Variants in FBXL13 observed in about 807,000 individuals in gnomAD.
FBXL13 encodes the protein F-box and leucine rich repeat protein 13.
FBXL13 carries 67 observed loss-of-function variants against 83.6 expected under a neutral mutation model. The observed-to-expected ratio is 0.80, with a 90% CI of 0.66 to 0.98. The LOEUF (loss-of-function observed/expected upper bound fraction) is 0.98. Among genes scored for constraint, FBXL13 ranks in the 50% least tolerant of loss-of-function variants. FBXL13 has a pLI of 0.00. For missense variants in FBXL13, 822 were observed against 866.5 expected (o/e 0.95, Z 0.64); for synonymous variants, 272 against 299.5 (o/e 0.91, Z 0.95).
intron 11 of FBXL13, among the ~76,000 whole-genome samples, chr7:102,900,180 C>T (rs1460828239): frequency 6.6e-6 from 1 of 152,168 alleles, no homozygotes; most frequent in Admixed American, 6.5e-5. Context: ...AGTTAAACTT[C>T]TTTCATAATA....
At chr7:102,834,080 GGAAAGAAA>G (rs1452645344) in intron 17 of FBXL13, among the ~76,000 whole-genome samples, 1 of 91,538 alleles carries the variant, frequency 1.1e-5, no homozygotes, top group African/African-American at 4.9e-5. Flanking sequence ...AAGGAAGGAA[GGAAAGAAA>G]AGAAAGAAAG....
intron 11 of FBXL13, among the ~76,000 whole-genome samples, chr7:102,893,999 G>A (rs558940095): frequency 1.3e-5 from 2 of 149,300 alleles, no homozygotes; most frequent in African/African-American, 2.4e-5. Flanking sequence ...GAAAGAAAGA[G>A]GAAAGAAAAG....
chr7:102,964,057 T>C (rs1585158218), intron 7 of FBXL13, among the ~76,000 whole-genome samples: 1 of 152,268 alleles, frequency 6.6e-6, no homozygotes, highest in East Asian at 1.9e-4. Flanking sequence ...ATGCCTGTAA[T>C]CCCAGCACCT....
At chr7:102,888,785 C>T (rs1336457895) in intron 11 of FBXL13, among the ~76,000 whole-genome samples, 2 of 151,920 alleles carry the variant, frequency 1.3e-5, no homozygotes, top group African/African-American at 2.4e-5. Flanking sequence ...TAGCCCAGAG[C>T]AAAGTCCAGG....
chr7:103,040,801 C>G (rs961436876), intron 2 of FBXL13, among the ~76,000 whole-genome samples: 1 of 152,112 alleles, frequency 6.6e-6, no homozygotes, highest in Non-Finnish European at 1.5e-5. Context: ...ACACAATGTA[C>G]CAGAATCTCT....
chr7:102,973,726 A>G, intron 6 of FBXL13: 1 of 766,340 alleles, frequency 1.3e-6, no homozygotes, highest in South Asian at 1.3e-5. Flanking sequence ...CTCAGCCTCC[A>G]GTTGCTTCTC....
chr7:102,943,144 C>G (rs1179549784), intron 8 of FBXL13, among the ~76,000 whole-genome samples: 1 of 152,096 alleles, frequency 6.6e-6, no homozygotes, highest in Admixed American at 6.6e-5. Flanking sequence ...TTGGACTCTA[C>G]AGGAATAGAA....
At chr7:102,883,252 G>A (rs1810354293) in intron 14 of FBXL13, 53 bp downstream of exon 15, 3 of 1,517,742 alleles carry the variant, frequency 2.0e-6, no homozygotes, top group Admixed American at 3.9e-5. Context: ...AGAGAACCTG[G>A]CACATACTAG....
intron 6 of FBXL13, among the ~76,000 whole-genome samples, chr7:102,995,337 T>C (rs1829989696): frequency 6.7e-6 from 1 of 150,264 alleles, no homozygotes; most frequent in Non-Finnish European, 1.5e-5. Flanking sequence ...AAAAATTAGC[T>C]GGGCGTGGTG....
intron 8 of FBXL13, 73 bp from the exon 10 acceptor site, chr7:102,932,006 T>C: frequency 7.4e-7 from 1 of 1,352,624 alleles, no homozygotes; most frequent in East Asian, 2.3e-5. Context: ...TATCTTACAT[T>C]GAATGCAATG....
chr7:102,931,693 C>T (rs1027043739), intron 9 of FBXL13, among the ~76,000 whole-genome samples, 188 bp downstream of exon 10: 3 of 152,192 alleles, frequency 2.0e-5, no homozygotes, highest in African/African-American at 7.2e-5. Flanking sequence ...CAACACTGAG[C>T]ATACATCTAC....
At chr7:102,948,721 C>CT (rs149969187) in intron 8 of FBXL13, among the ~76,000 whole-genome samples, 27 of 147,280 alleles carry the variant, frequency 1.8e-4, no homozygotes, top group South Asian at 6.5e-4. Flanking sequence ...CACGCCCAGC[C>CT]TTTTTTTTTT....
At chr7:103,024,851 A>G (rs58680607) in intron 6 of FBXL13, among the ~76,000 whole-genome samples, 2 of 94,994 alleles carry the variant, frequency 2.1e-5, no homozygotes, top group African/African-American at 9.5e-5. Context: ...ATATATATAT[A>G]TATATATTTT....
Position 103,048,363 on chromosome 7 carries a change from A to G in FBXL13, c.-1+7281T>C, listed in dbSNP as rs954703126. Among the ~76,000 whole-genome samples, 3 of 151,360 alleles carry G rather than the reference A, an allele frequency of 2.0e-5. No homozygotes were observed. The South Asian group carries it at 6.2e-4, about 31-fold the overall frequency. On this transcript the variant is annotated intron_variant, in intron 2 of 19. Transcript: ENST00000313221. ...TTACTCATTGATAGAGGGAAGACTC[A>G]GCTTTCCAAACAATCTGTCTTTTGT...
chr7:102,880,069 T>G (rs1207475432), intron 14 of FBXL13, among the ~76,000 whole-genome samples: 1 of 152,264 alleles, frequency 6.6e-6, no homozygotes, highest in African/African-American at 2.4e-5. Flanking sequence ...TACTTTTAAA[T>G]TCTTTTAAAT....
chr7:102,837,496 G>T (rs1802203267), intron 17 of FBXL13, among the ~76,000 whole-genome samples: 1 of 152,180 alleles, frequency 6.6e-6, no homozygotes, highest in Non-Finnish European at 1.5e-5. Context: ...GCTCAAATGT[G>T]GTTTATTCTA....
chr7:102,935,796 G>A (rs544813307), intron 8 of FBXL13, among the ~76,000 whole-genome samples: 1 of 152,292 alleles, frequency 6.6e-6, no homozygotes, highest in South Asian at 2.1e-4. Flanking sequence ...AAAGCCAGAT[G>A]TCATTAAGTG....
intron 6 of FBXL13, among the ~76,000 whole-genome samples, chr7:103,008,610 T>G (rs1441185661): frequency 6.6e-6 from 1 of 152,168 alleles, no homozygotes; most frequent in Non-Finnish European, 1.5e-5. Context: ...CAGGCTAGAG[T>G]GCAGTGGTGC....
intron 8 of FBXL13, among the ~76,000 whole-genome samples, chr7:102,948,764 T>A (rs921709785): frequency 1.3e-5 from 2 of 151,906 alleles, no homozygotes; most frequent in African/African-American, 4.8e-5. Flanking sequence ...CAAGCTGAAG[T>A]GCAGTGGCAT....
Sources: allele counts gnomAD v4.1 joint callset (sites outside exome capture counted in the v4.1 genomes callset), GRCh38; gene constraint gnomAD v4.1.1; transcripts MANE v1.5; gene names NCBI Gene and HGNC (gene_info 2026-07-23, HGNC 2026-07-21).